Variants in VAPB observed in about 807,000 individuals in gnomAD.
VAPB encodes the protein vesicle-associated membrane protein-associated protein B/C.
VAPB carries 7 observed loss-of-function variants against 25.6 expected under a neutral mutation model. The observed-to-expected ratio is 0.27, with a 90% CI of 0.16 to 0.51. The LOEUF is 0.51. VAPB is among the 20% of genes least tolerant of loss of function. The probability of loss-of-function intolerance (pLI) is 0.97; values close to 1 mark genes in which losing one functional copy is unlikely to be tolerated. For missense variants in VAPB, 266 were observed against 301.3 expected, an observed-to-expected ratio of 0.88 and a Z score of 0.87; for synonymous variants, 112 against 109.2, an observed-to-expected ratio of 1.03 and a Z score of -0.16.
Position 58,444,425 on chromosome 20 carries a change from A to G in VAPB, c.*190A>G. On this transcript the variant is annotated 3_prime_UTR_variant, in exon 6 of 6. Transcript: ENST00000475243. ...CAAATATAATGTAACGATCTTTTAG[A>G]AAGTTAAAAATGTATAGTAACTGAT... The G allele has an allele frequency of 3.7e-6, 3 of 810,712 alleles. No individual in the cohort carries two copies. Among genetic ancestry groups the G allele is most frequent in the Non-Finnish European group, 6.2e-6 (3 of 484,744 alleles). 50.2% of individuals were successfully genotyped at this position (810,712 alleles called of 1,614,324 possible).
rs193128804 is a variant in VAPB, at chr20:58,440,812, A to C, written c.397-95A>C. On this transcript the variant is annotated intron_variant, in intron 4 of 5. Coordinates refer to ENST00000475243, the MANE Select transcript of VAPB (RefSeq NM_004738.5). ...TTTACAGTGTGGATGAAATGCTACC[A>C]CGTTTGGTGTTTGCTGAGAACTACT... 6.2e-6 allele frequency: 7 copies of C among 1,131,560 alleles called. No individual in the cohort carries two copies. In the East Asian group the frequency reaches 1.8e-4, roughly 29 times the overall value. The allele number at this position is 1,131,560 out of a possible 1,614,324, so 70.1% of individuals were successfully genotyped here.
At chr20:58,389,616 C>A in intron 1 of VAPB, 99 bp downstream of exon 1, 1 of 1,312,926 alleles carries the variant, frequency 7.6e-7, no homozygotes, top group Non-Finnish European at 1.0e-6. Flanking sequence ...CTCGTCCCCA[C>A]CCCGACGGCG....
chr20:58,423,344 G>A (rs746112342), intron 2 of VAPB, among the ~76,000 whole-genome samples: 2 of 146,344 alleles, frequency 1.4e-5, no homozygotes, highest in East Asian at 2.0e-4. Flanking sequence ...CCTGGGAGGC[G>A]GAGGTTGCAG....
chr20:58,398,925 G>T (rs1187538011), intron 1 of VAPB, among the ~76,000 whole-genome samples: 3 of 151,400 alleles, frequency 2.0e-5, no homozygotes, highest in Admixed American at 6.6e-5. Flanking sequence ...GTGTGCCCTT[G>T]GCTTTCTTAT....
At chr20:58,435,714 GC>G (rs2046540467) in intron 3 of VAPB, among the ~76,000 whole-genome samples, 1 of 152,170 alleles carries the variant, frequency 6.6e-6, no homozygotes, top group Admixed American at 6.5e-5. Context: ...GAAGGAGGAG[GC>G]CAGATATTTT....
intron 1 of VAPB, among the ~76,000 whole-genome samples, chr20:58,391,047 G>A (rs564208136): frequency 5.9e-5 from 9 of 152,306 alleles, no homozygotes; most frequent in South Asian, 2.1e-4. Context: ...TGGCCTTCTG[G>A]GGATGCCAGA....
In VAPB at chr20:58,391,426, T is replaced by A. The variant is rs568229695; in HGVS notation, c.58+1909T>A. On this transcript the variant is annotated intron_variant, in intron 1 of 5. Coordinates refer to ENST00000475243, the MANE Select transcript of VAPB (RefSeq NM_004738.5). ...TTTGAGCTCAGTTATAAAGGTCGAG[T>A]AGAAGAAGGCTCAAAGAAGGAAAGG... Among the ~76,000 whole-genome samples the A allele has an allele frequency of 7.2e-5, 11 of 152,082 alleles. No homozygotes were observed. In the East Asian group the frequency reaches 1.9e-3, roughly 27 times the overall value.
intron 2 of VAPB, chr20:58,431,421 A>G (rs1315751308): frequency 6.6e-6 from 1 of 152,240 alleles, no homozygotes; most frequent in African/African-American, 2.4e-5. Flanking sequence ...CCTGTATTTT[A>G]TCATTGACAG....
chr20:58,427,987 T>G lies in VAPB; in HGVS notation c.212-6615T>G, dbSNP rs978748232. Among the ~76,000 whole-genome samples the G allele has an allele frequency of 5.3e-5, 8 of 151,752 alleles. No individual in the cohort carries two copies. The East Asian group carries it at 1.6e-3, about 30-fold the overall frequency. ...AGTGATCTGTGATCTGTTACCATTA[T>G]GATGCAGGCGAAAGTGATCTGTGAT... On this transcript the variant is annotated intron_variant, in intron 2 of 5. Coordinates refer to ENST00000475243, the MANE Select transcript of VAPB (RefSeq NM_004738.5).
chr20:58,440,610 A>T (rs1989137895), intron 4 of VAPB: 1 of 330,266 alleles, frequency 3.0e-6, no homozygotes, highest in Non-Finnish European at 5.8e-6. Flanking sequence ...CAGTATGCTG[A>T]TTTTTCCGTG....
intron 2 of VAPB, among the ~76,000 whole-genome samples, chr20:58,422,923 T>G (rs1988698668): frequency 6.6e-6 from 1 of 152,080 alleles, no homozygotes; most frequent in South Asian, 2.1e-4. Flanking sequence ...GATACCGATA[T>G]TTAGTTACAG....
chr20:58,396,972 A>G (rs1308282840), intron 1 of VAPB, among the ~76,000 whole-genome samples: 1 of 152,232 alleles, frequency 6.6e-6, no homozygotes, highest in African/African-American at 2.4e-5. Context: ...AGCTCATTAG[A>G]GTTAACTCAT....
intron 2 of VAPB, among the ~76,000 whole-genome samples, chr20:58,423,072 C>T (rs1988701368): frequency 6.6e-6 from 1 of 152,140 alleles, no homozygotes; most frequent in Non-Finnish European, 1.5e-5. Flanking sequence ...CAGCCCTTTT[C>T]AGCACTCTTT....
chr20:58,414,799 C>A (rs928764681), intron 1 of VAPB, among the ~76,000 whole-genome samples: 19 of 151,820 alleles, frequency 1.3e-4, no homozygotes, highest in Middle Eastern at 3.4e-3. Flanking sequence ...CAGGCAGAGA[C>A]GCTCCCCACT....
chr20:58,425,419 T>C (rs1230647059), intron 2 of VAPB, among the ~76,000 whole-genome samples: 3 of 152,202 alleles, frequency 2.0e-5, no homozygotes, highest in Non-Finnish European at 4.4e-5. Flanking sequence ...CAGGAACGCT[T>C]TGAATGTTGG....
At chr20:58,413,307 G>A (rs62205699) in intron 1 of VAPB, among the ~76,000 whole-genome samples, 41,827 of 151,076 alleles carry the variant, frequency 0.28, 6,037 homozygotes, top group African/African-American at 0.33. Flanking sequence ...CTTCCGCAGT[G>A]TTTGTGTCCC....
At chr20:58,431,836 G>A (rs1988936070) in intron 2 of VAPB, among the ~76,000 whole-genome samples, 1 of 152,158 alleles carries the variant, frequency 6.6e-6, no homozygotes, top group Non-Finnish European at 1.5e-5. Flanking sequence ...TGGTGTTACA[G>A]TTGTGAGCCA....
chr20:58,420,901 G>A (rs1487443349), intron 2 of VAPB, among the ~76,000 whole-genome samples: 2 of 152,178 alleles, frequency 1.3e-5, no homozygotes, highest in East Asian at 3.8e-4. Flanking sequence ...GGGATAAAAA[G>A]CACTGCCTTT....
At position 58,389,307 on chromosome 20, in the gene VAPB, C is replaced by G. The variant is rs1165674000; in HGVS notation, c.-153C>G. ...CGCCTGCACCGCGTAGACCGACCCC[C>G]CCCCAGCGCGCCCACCCGGTAGAGG... On this transcript the variant is annotated 5_prime_UTR_variant, in exon 1 of 6. Coordinates refer to ENST00000475243, the MANE Select transcript of VAPB (RefSeq NM_004738.5). 5.7e-6 allele frequency: 4 copies of G among 698,304 alleles called. No individual in the cohort carries two copies. Among genetic ancestry groups the G allele is most frequent in the African/African-American group, 1.9e-5 (1 of 53,642 alleles). The allele number at this position is 698,304 out of a possible 1,614,324, so 43.3% of individuals were successfully genotyped here.
Sources: gnomAD v4.1 joint callset for allele counts (sites outside exome capture counted in the v4.1 genomes callset) on GRCh38, gnomAD v4.1.1 for gene constraint, MANE v1.5 for transcripts, NCBI Gene and HGNC (gene_info 2026-07-23, HGNC 2026-07-21) for gene names.